The following C3orf22 variants were observed in gnomAD, a reference collection of about 807,000 sequenced individuals.
The protein encoded by C3orf22 is chromosome 3 open reading frame 22.
Under a neutral mutation model 10.8 loss-of-function variants are expected in C3orf22, and 7 were observed. The observed-to-expected ratio is 0.65, with a 90% CI of 0.37 to 1.22. The LOEUF (loss-of-function observed/expected upper bound fraction) is 1.22, where lower values mean the gene tolerates loss of function less well. C3orf22 is among the 50% of genes most tolerant of loss of function. The pLI is 0.02. For missense variants in C3orf22, 173 were observed against 177.0 expected (o/e 0.98, Z 0.13); for synonymous variants, 79 against 78.9 (o/e 1.00, Z 0.00).
At chr3:126,554,544 G>A (rs530416025) in intron 1 of C3orf22, among the ~76,000 whole-genome samples, 26 of 152,314 alleles carry the variant, frequency 1.7e-4, no homozygotes, top group African/African-American at 5.5e-4. Context: ...GATTACAGGC[G>A]TGAGCCACCG....
intron 4 of C3orf22, chr3:126,542,592 C>A: frequency 6.8e-7 from 1 of 1,460,100 alleles, no homozygotes; most frequent in Non-Finnish European, 9.0e-7. Flanking sequence ...TCCTGGAGGT[C>A]CTGTGGCCAC....
At chr3:126,550,204 G>A (rs1386702747) in intron 3 of C3orf22, 126 bp from the exon 4 acceptor site, 1 of 1,054,020 alleles carries the variant, frequency 9.5e-7, no homozygotes, top group Non-Finnish European at 1.4e-6. Context: ...TCCCAACCAG[G>A]CTTGACCTGG....
intron 4 of C3orf22, chr3:126,536,191 C>G: frequency 8.3e-7 from 1 of 1,209,526 alleles, no homozygotes; most frequent in Non-Finnish European, 1.2e-6. Context: ...GTCAAATGTG[C>G]CTAGATGGGT....
chr3:126,539,131 A>G (rs963798975), intron 4 of C3orf22, among the ~76,000 whole-genome samples: 5 of 152,072 alleles, frequency 3.3e-5, no homozygotes, highest in Non-Finnish European at 5.9e-5. Flanking sequence ...ATTCAAGCAT[A>G]TGCAAGAAGA....
downstream of C3orf22, among the ~76,000 whole-genome samples, chr3:126,545,657 G>A (rs1461183395): frequency 6.6e-6 from 1 of 152,214 alleles, no homozygotes; most frequent in Non-Finnish European, 1.5e-5. Flanking sequence ...AAGGCCCAGG[G>A]CTGCTGCATG....
At chr3:126,541,993 C>A in intron 4 of C3orf22, 1 of 1,560,970 alleles carries the variant, frequency 6.4e-7, no homozygotes. Flanking sequence ...ACGCGCCTGG[C>A]CGCCTGCCCT....
intron 4 of C3orf22, chr3:126,536,286 C>T: frequency 6.2e-7 from 1 of 1,613,884 alleles, no homozygotes; most frequent in East Asian, 2.2e-5. Flanking sequence ...GGAAACAGAG[C>T]CCTGGGCTCC....
At chr3:126,538,556 C>T (rs556577769) in intron 4 of C3orf22, among the ~76,000 whole-genome samples, 4 of 152,350 alleles carry the variant, frequency 2.6e-5, no homozygotes, top group African/African-American at 7.2e-5. Context: ...CAGCCGGGGT[C>T]GGCCAGCAAG....
intron 4 of C3orf22, chr3:126,542,523 A>G: frequency 6.5e-7 from 1 of 1,545,064 alleles, no homozygotes; most frequent in Non-Finnish European, 8.7e-7. Flanking sequence ...GACCTCTACA[A>G]GATGGACTTC....
intron 3 of C3orf22, among the ~76,000 whole-genome samples, 200 bp from the exon 4 acceptor site, chr3:126,550,278 A>AC (rs141174309): frequency 3.3e-5 from 5 of 149,840 alleles, no homozygotes; most frequent in East Asian, 2.0e-4. Context: ...CCGCACACTC[A>AC]CCCCCCCACA....
intron 1 of C3orf22, among the ~76,000 whole-genome samples, chr3:126,555,958 T>C (rs1049699723): frequency 7.9e-5 from 12 of 152,128 alleles, no homozygotes; most frequent in Non-Finnish European, 1.6e-4. Context: ...CCACATCTGG[T>C]GGGCAACATC....
downstream of C3orf22, among the ~76,000 whole-genome samples, chr3:126,549,254 C>CTA (rs1413338986): frequency 1.4e-5 from 2 of 143,928 alleles, no homozygotes; most frequent in South Asian, 4.5e-4. Context: ...CATCCACGCC[C>CTA]CCCCCCCCAC....
Position 126,550,090 on chromosome 3 carries a change from A to C in C3orf22, c.216-12T>G. ...CTGGAGCCCCGAGCCTAGAGAAGCCACACAGAGCCACGCCTGGCCTTCAGG... is the reference window on the plus strand; with the variant it reads ...CTGGAGCCCCGAGCCTAGAGAAGCCCCACAGAGCCACGCCTGGCCTTCAGG... On this transcript the variant is annotated splice_polypyrimidine_tract_variant and intron_variant, in intron 3 of 3. Coordinates refer to ENST00000318225, the MANE Select transcript of C3orf22 (RefSeq NM_152533.3). 1 of 1,613,608 alleles carries C rather than the reference A, an allele frequency of 6.2e-7. No homozygotes were observed. Among genetic ancestry groups the C allele is most frequent in the Non-Finnish European group, 8.5e-7 (1 of 1,179,706 alleles).
chr3:126,557,376 A>C (rs1226551879), intron 1 of C3orf22, among the ~76,000 whole-genome samples: 1 of 152,200 alleles, frequency 6.6e-6, no homozygotes, highest in Non-Finnish European at 1.5e-5. Flanking sequence ...ATGTCTGGAG[A>C]GGAGCCCCTG....
At chr3:126,529,328 T>C in exon 5 of C3orf22, 3 of 1,289,386 alleles carry the variant, frequency 2.3e-6, no homozygotes, top group Non-Finnish European at 3.0e-6. Flanking sequence ...TCTCCTTCCC[T>C]GGGCTGGTAT....
chr3:126,557,166 A>T (rs76604960), intron 1 of C3orf22, among the ~76,000 whole-genome samples: 6,927 of 152,166 alleles, frequency 0.046, 248 homozygotes, highest in African/African-American at 0.096. Flanking sequence ...ACACACCCCC[A>T]CACACAGGCA....
Position 126,553,362 on chromosome 3 carries a change from T to G in C3orf22, c.29A>C (p.His10Pro), listed in dbSNP as rs780894750. The stretch of plus-strand genomic sequence containing the variant: ...CTGGATCCTCCACTTCTTACTCTGG[T>G]GAGACTTCTTGCAGGCACTGGAGTC... Reference protein sequence around the residue: MDSSACKKSHQSKKWRIQAQ... With the variant: MDSSACKKSPQSKKWRIQAQ... The change falls in exon 2 of 4, where the codon CAC (histidine) becomes CCC (proline). Residue 10 changes from histidine (H) to proline (P), a missense_variant. Transcript: ENST00000318225. 5.6e-6 allele frequency: 9 copies of G among 1,613,732 alleles called. No homozygotes were observed. The highest frequency in any genetic ancestry group is 6.8e-6 in the Non-Finnish European group (8 of 1,179,964).
downstream of C3orf22, chr3:126,549,607 C>T (rs950243985): frequency 2.2e-6 from 3 of 1,387,876 alleles, no homozygotes; most frequent in South Asian, 3.7e-5. Context: ...TCACACCAAC[C>T]CTGCAAGATT....
At chr3:126,549,512 A>T, downstream of C3orf22, 1 of 594,394 alleles carries the variant, frequency 1.7e-6, no homozygotes, top group South Asian at 1.5e-5. Flanking sequence ...TTCCAGCAGC[A>T]CTGGAGTGAA....
Sources: gnomAD v4.1 joint callset for allele counts (sites outside exome capture counted in the v4.1 genomes callset) on GRCh38, gnomAD v4.1.1 for gene constraint, MANE v1.5 for transcripts, NCBI Gene and HGNC (gene_info 2026-07-23, HGNC 2026-07-21) for gene names.